ODAM: variants seen among roughly 807,000 people sequenced by gnomAD.
ODAM encodes the protein odontogenic, ameloblast associated.
ODAM carries 55 observed loss-of-function variants against 48.5 expected under a neutral mutation model. That is an observed-to-expected ratio of 1.13 (90% confidence interval 0.91 to 1.42). ODAM has a LOEUF of 1.42. Among genes scored for constraint, ODAM ranks in the 40% most tolerant of loss-of-function variants. The probability of loss-of-function intolerance (pLI) is 0.00; values close to 1 mark genes in which losing one functional copy is unlikely to be tolerated. For missense variants in ODAM, 353 were observed against 323.6 expected (o/e 1.09, Z -0.70); for synonymous variants, 127 against 107.8 (o/e 1.18, Z -1.10).
In ODAM at chr4:70,196,228, TAGG is replaced by T. The variant is rs571653112; in HGVS notation, c.-15-295_-15-293del. On this transcript the variant is annotated intron_variant, in intron 1 of 11. Coordinates refer to ENST00000683306, the MANE Select transcript of ODAM (RefSeq NM_017855.4). ...TGCTCCTCTCCTTGTAGGGCAGCAC[TAGG>T]AGGAGATCATCTTGTTCTTTAATGC... Among the ~76,000 whole-genome samples the T allele has an allele frequency of 1.4e-3, 208 of 152,070 alleles. 1 individual carries two copies. The highest frequency in any genetic ancestry group is 2.4e-3 in the Non-Finnish European group (165 of 67,944).
At chr4:70,196,470 T>G (rs745346496) in intron 1 of ODAM, 59 bp from the exon 2 acceptor site, 4 of 936,476 alleles carry the variant, frequency 4.3e-6, no homozygotes, top group Non-Finnish European at 6.5e-6. Flanking sequence ...TACTAATTAT[T>G]TTGTCATGAA....
Position 70,203,158 on chromosome 4 carries a change from C to A in ODAM, c.813C>A (p.Asp271Glu). The change falls in exon 11 of 12, where the codon GAC becomes GAA. Residue 271 changes from aspartate (D) to glutamate (E), a missense_variant and splice_region_variant. Coordinates refer to ENST00000683306, the MANE Select transcript of ODAM (RefSeq NM_017855.4). ...TATGAATGTCCTTTTCTCACTAGGACAAGACTGACAGCCTAAGGGAACCAT... is the reference window on the plus strand; with the variant it reads ...TATGAATGTCCTTTTCTCACTAGGAAAAGACTGACAGCCTAAGGGAACCAT... ...TITPELPEEK[D>E]KTDSLREP 1 of 1,596,298 alleles carries A rather than the reference C, an allele frequency of 6.3e-7. No homozygotes were observed. Among genetic ancestry groups the A allele is most frequent in the Non-Finnish European group, 8.6e-7 (1 of 1,165,060 alleles).
intron 3 of ODAM, 31 bp downstream of exon 3, chr4:70,196,764 CT>C (rs753237683): frequency 9.0e-6 from 14 of 1,550,684 alleles, no homozygotes; most frequent in Non-Finnish European, 1.1e-5. Flanking sequence ...CAATCTCCTC[CT>C]TTTTTTAATG....
Position 70,202,428 on chromosome 4 carries a change from T to C in ODAM, c.648+99T>C, listed in dbSNP as rs1224667080. On this transcript the variant is annotated intron_variant, in intron 9 of 11. Coordinates refer to ENST00000683306, the MANE Select transcript of ODAM (RefSeq NM_017855.4). The stretch of plus-strand genomic sequence containing the variant: ...TAATATCAACTCTGTTGTAATTCCA[T>C]CAATAATTTTTGCTTCTTCTTCTTC... The C allele has an allele frequency of 5.9e-6, 6 of 1,012,232 alleles. No individual in the cohort carries two copies. The East Asian group carries it at 7.5e-5, about 13-fold the overall frequency. The allele number at this position is 1,012,232 out of a possible 1,614,324, so 62.7% of individuals were successfully genotyped here.
intron 8 of ODAM, 30 bp downstream of exon 8, chr4:70,201,531 T>A: frequency 1.6e-6 from 2 of 1,236,944 alleles, no homozygotes; most frequent in South Asian, 2.5e-5. Context: ...TCATTAAAAA[T>A]ATTTTGAAAC....
At chr4:70,196,145 C>T (rs1221619659) in intron 1 of ODAM, among the ~76,000 whole-genome samples, 2 of 151,922 alleles carry the variant, frequency 1.3e-5, no homozygotes, top group African/African-American at 4.8e-5. Context: ...AAAATTGCTG[C>T]AGTAATAAGT....
chr4:70,196,455 A>G lies in ODAM; in HGVS notation c.-15-74A>G, dbSNP rs2109814295. 3.7e-6 allele frequency: 3 copies of G among 806,570 alleles called. No homozygotes were observed. The East Asian group carries it at 8.1e-5, about 22-fold the overall frequency. 50.0% of individuals were successfully genotyped at this position (806,570 alleles called of 1,614,324 possible). On this transcript the variant is annotated intron_variant, in intron 1 of 11. Coordinates refer to ENST00000683306, the MANE Select transcript of ODAM (RefSeq NM_017855.4). ...ATTCACCCAGCTATTCCTTTGATTGAACAATACTAATTATTTTGTCATGAA... is the reference window on the plus strand; with the variant it reads ...ATTCACCCAGCTATTCCTTTGATTGGACAATACTAATTATTTTGTCATGAA...
At chr4:70,197,679 T>C (rs961589786) in intron 4 of ODAM, 88 of 563,672 alleles carry the variant, frequency 1.6e-4, no homozygotes, top group African/African-American at 1.4e-3. Flanking sequence ...CAGTGTGGCA[T>C]ATGCAGATGT....
chr4:70,201,665 G>T (rs556943346), intron 8 of ODAM, among the ~76,000 whole-genome samples, 164 bp downstream of exon 8: 33 of 152,028 alleles, frequency 2.2e-4, no homozygotes, highest in African/African-American at 6.3e-4. Flanking sequence ...CACACGTGGG[G>T]ATTCTTGGGT....
At chr4:70,197,761 T>G (rs1729403135) in intron 4 of ODAM, 163 bp from the exon 5 acceptor site, 2 of 629,350 alleles carry the variant, frequency 3.2e-6, no homozygotes, top group African/African-American at 3.7e-5. Context: ...TTGCTTCGTA[T>G]TATTTGCTTG....
chr4:70,197,500 T>C (rs1729397740), intron 4 of ODAM, among the ~76,000 whole-genome samples, 179 bp downstream of exon 4: 1 of 152,060 alleles, frequency 6.6e-6, no homozygotes, highest in South Asian at 2.1e-4. Context: ...AAAACTGTAA[T>C]TTGAACAACA....
intron 5 of ODAM, 45 bp from the exon 6 acceptor site, chr4:70,198,534 A>C: frequency 6.9e-7 from 1 of 1,443,678 alleles, no homozygotes; most frequent in Non-Finnish European, 9.5e-7. Flanking sequence ...ATTTTTAAAT[A>C]ACAAAGTCAA....
intron 5 of ODAM, 72 bp downstream of exon 5, chr4:70,198,229 C>T: frequency 7.8e-7 from 1 of 1,285,060 alleles, no homozygotes. Flanking sequence ...GAATATGAAT[C>T]AGCTTTGAAA....
intron 7 of ODAM, among the ~76,000 whole-genome samples, chr4:70,200,977 T>C (rs948358711): frequency 6.6e-6 from 1 of 151,972 alleles, no homozygotes; most frequent in Non-Finnish European, 1.5e-5. Flanking sequence ...TTAGCTACCT[T>C]GATGAAAGAT....
chr4:70,198,134 C>G lies in ODAM; in HGVS notation c.352C>G (p.Gln118Glu). The G allele has an allele frequency of 6.2e-7, 1 of 1,613,152 alleles. No homozygotes were observed. Among genetic ancestry groups the G allele is most frequent in the Non-Finnish European group, 8.5e-7 (1 of 1,179,478 alleles). The change falls in exon 5 of 12, where the codon CAG becomes GAG. Residue 118 changes from glutamine to glutamate, a missense_variant. By Grantham distance (29) the Gln-to-Glu change is conservative. Coordinates refer to ENST00000683306, the MANE Select transcript of ODAM (RefSeq NM_017855.4). ...VDPLQLQTPP[Q>E]TQPGPSHVMP... ...TCCCTTACAGCTTCAAACACCGCCT[C>G]AGACACAACCAGGCCCCAGTCACGT...
intron 6 of ODAM, 91 bp downstream of exon 6, chr4:70,198,717 C>A (rs1438906377): frequency 3.3e-6 from 3 of 922,066 alleles, no homozygotes; most frequent in African/African-American, 3.4e-5. Context: ...TATAGCAGGG[C>A]TATAAAAACC....
At chr4:70,203,261 C>A in intron 11 of ODAM, 47 bp downstream of exon 11, 1 of 1,086,776 alleles carries the variant, frequency 9.2e-7, no homozygotes, top group Non-Finnish European at 1.4e-6. Flanking sequence ...ACAATTCCTA[C>A]ATAAGAAGAC....
rs1474290390 is a variant in ODAM, at chr4:70,201,470, A to T, written c.545A>T (p.Gln182Leu). 5 of 1,520,862 alleles carry T rather than the reference A, an allele frequency of 3.3e-6. No individual in the cohort carries two copies. In the South Asian group the frequency reaches 5.7e-5, roughly 17 times the overall value. 94.2% of individuals were successfully genotyped at this position (1,520,862 alleles called of 1,614,324 possible). The change falls in exon 8 of 12, where the codon CAA (glutamine) becomes CTA (leucine). Residue 182 changes from glutamine to leucine, a missense_variant. By Grantham distance (113) the Gln-to-Leu change is moderately radical. Transcript: ENST00000683306. Reference sequence around the variant, plus strand: ...ATCTGACAGATACCATTCTATGCTCAATTTGGATACATTCCACAACTAGCA... The same window carrying T: ...ATCTGACAGATACCATTCTATGCTCTATTTGGATACATTCCACAACTAGCA... ...QYEEQIPFYA[Q>L]FGYIPQLAEP...
At chr4:70,199,784 GT>G (rs759776220) in intron 6 of ODAM, among the ~76,000 whole-genome samples, 9 of 151,700 alleles carry the variant, frequency 5.9e-5, no homozygotes, top group African/African-American at 9.7e-5. Context: ...AACCCTAGTT[GT>G]TTTTTTTAAC....
Sources: gnomAD v4.1 joint callset for allele counts (sites outside exome capture counted in the v4.1 genomes callset) on GRCh38, gnomAD v4.1.1 for gene constraint, MANE v1.5 for transcripts, NCBI Gene and HGNC (gene_info 2026-07-23, HGNC 2026-07-21) for gene names.